The following RC3H2 variants were observed in gnomAD, a reference collection of about 807,000 sequenced individuals.
RC3H2 encodes the protein ring finger and CCCH-type domains 2, also known as roquin-2.
RC3H2 carries 31 observed loss-of-function variants against 133.3 expected under a neutral mutation model. That is an observed-to-expected ratio of 0.23 (90% CI 0.17 to 0.31). RC3H2 has a LOEUF of 0.31. Among genes scored for constraint, RC3H2 ranks in the 10% least tolerant of loss-of-function variants. RC3H2 has a pLI of 1.00. For synonymous variants in RC3H2, 517 were observed against 502.2 expected, an observed-to-expected ratio of 1.03 and a Z score of -0.40; for missense variants, 1,175 against 1,437.2, an observed-to-expected ratio of 0.82 and a Z score of 2.95.
At position 122,894,071 on chromosome 9, in the gene RC3H2, A is replaced by G. The variant is rs371024220; in HGVS notation, c.232-1045T>C. ...TCAGGAGATCGAGACCATCCTGGCT[A>G]ACACGGTGAAACCCTGTATCTACTA... is the stretch of plus-strand genomic sequence containing the variant. On this transcript the variant is annotated intron_variant, in intron 2 of 20. Coordinates refer to ENST00000357244, the MANE Select transcript of RC3H2 (RefSeq NM_001100588.3). Among the ~76,000 whole-genome samples the G allele has an allele frequency of 6.4e-4, 97 of 152,236 alleles. No homozygotes were observed. The Middle Eastern group carries it at 0.014, about 21-fold the overall frequency.
intron 3 of RC3H2, among the ~76,000 whole-genome samples, chr9:122,892,513 G>A (rs147455740): frequency 0.018 from 2,682 of 152,060 alleles, 94 homozygotes; most frequent in African/African-American, 0.061. Context: ...CCGGGTTCAC[G>A]CCATTCTCCT....
At chr9:122,857,461 G>T (rs1030428551) in intron 13 of RC3H2, among the ~76,000 whole-genome samples, 25 of 152,260 alleles carry the variant, frequency 1.6e-4, no homozygotes, top group African/African-American at 6.0e-4. Context: ...ACCTCAGACA[G>T]CCCAGGATTC....
At chr9:122,892,707 G>A (rs969046039) in intron 3 of RC3H2, among the ~76,000 whole-genome samples, 3 of 152,102 alleles carry the variant, frequency 2.0e-5, no homozygotes, top group South Asian at 2.1e-4. Flanking sequence ...CACCGCGCCC[G>A]GCTCTAGCTT....
chr9:122,860,781 G>A (rs1271685204), intron 10 of RC3H2, among the ~76,000 whole-genome samples: 1 of 151,534 alleles, frequency 6.6e-6, no homozygotes, highest in Non-Finnish European at 1.5e-5. Flanking sequence ...AATTCTGTTC[G>A]ACAAGTTCTC....
chr9:122,898,540 A>G (rs1368470809), intron 1 of RC3H2, among the ~76,000 whole-genome samples: 1 of 152,122 alleles, frequency 6.6e-6, no homozygotes, highest in East Asian at 1.9e-4. Flanking sequence ...ACCTGAGGTC[A>G]GGAGCTTGAG....
chr9:122,859,865 T>C (rs1830390564), intron 11 of RC3H2, 52 bp downstream of exon 11: 1 of 1,363,794 alleles, frequency 7.3e-7, no homozygotes, highest in East Asian at 2.3e-5. Flanking sequence ...CATTCATTTA[T>C]CTAAAGGAAA....
intron 18 of RC3H2, among the ~76,000 whole-genome samples, chr9:122,852,642 C>G (rs1192373219): frequency 6.6e-6 from 1 of 150,852 alleles, no homozygotes; most frequent in East Asian, 2.0e-4. Context: ...GAGGGGTCAG[C>G]TCCCAACCCG....
At chr9:122,867,293 C>T (rs1186031195) in intron 9 of RC3H2, among the ~76,000 whole-genome samples, 1 of 109,878 alleles carries the variant, frequency 9.1e-6, no homozygotes, top group African/African-American at 3.6e-5. Context: ...GGGGGTCAGC[C>T]CCCCGCCCGG....
intron 1 of RC3H2, among the ~76,000 whole-genome samples, chr9:122,903,196 C>T (rs1832723165): frequency 6.6e-6 from 1 of 152,200 alleles, no homozygotes; most frequent in African/African-American, 2.4e-5. Flanking sequence ...AAATTAGAGA[C>T]GCTGATCATA....
intron 18 of RC3H2, among the ~76,000 whole-genome samples, chr9:122,853,063 T>C (rs1830111582): frequency 6.6e-6 from 1 of 152,190 alleles, no homozygotes; most frequent in South Asian, 2.1e-4. Flanking sequence ...CTTGGGATCC[T>C]GTTGATCTGT....
intron 10 of RC3H2, among the ~76,000 whole-genome samples, chr9:122,863,859 T>A (rs1206221047): frequency 6.6e-6 from 1 of 152,124 alleles, no homozygotes; most frequent in African/African-American, 2.4e-5. Context: ...GCCTCAGCCT[T>A]CCCAGGTAGC....
chr9:122,860,231 T>G lies in RC3H2; in HGVS notation c.1635-100A>C, dbSNP rs111378936. On this transcript the variant is annotated intron_variant, in intron 10 of 20. Coordinates refer to ENST00000357244, the MANE Select transcript of RC3H2 (RefSeq NM_001100588.3). ...TAAAATTATATTCTGAAACCACTAA[T>G]AGAAAACACTTCAGACATTGCCACA... The G allele has an allele frequency of 2.7e-5, 23 of 851,962 alleles. No individual in the cohort carries two copies. In the African/African-American group the frequency reaches 3.3e-4, roughly 12 times the overall value. The allele number at this position is 851,962 out of a possible 1,614,324, so 52.8% of individuals were successfully genotyped here. A position where few individuals can be genotyped will look rare whatever the true frequency, so the allele number is the denominator to read the frequency against.
chr9:122,884,020 C>T (rs530600778), intron 4 of RC3H2, among the ~76,000 whole-genome samples: 5 of 151,886 alleles, frequency 3.3e-5, no homozygotes, highest in Middle Eastern at 3.4e-3. Flanking sequence ...TTAGGCCGGG[C>T]GCGGTGGCTC....
chr9:122,898,669 A>T (rs1832523463), intron 1 of RC3H2, among the ~76,000 whole-genome samples: 1 of 151,772 alleles, frequency 6.6e-6, no homozygotes, highest in African/African-American at 2.4e-5. Flanking sequence ...GAATCACTTG[A>T]ATGTGGAAGG....
intron 8 of RC3H2, among the ~76,000 whole-genome samples, chr9:122,879,033 AG>A (rs1422564733): frequency 6.6e-6 from 1 of 150,452 alleles, no homozygotes; most frequent in East Asian, 2.0e-4. Flanking sequence ...CTGGGATTAC[AG>A]GCGTGAGCCA....
chr9:122,853,188 C>T (rs1232207737), intron 18 of RC3H2, among the ~76,000 whole-genome samples: 1 of 151,652 alleles, frequency 6.6e-6, no homozygotes, highest in Non-Finnish European at 1.5e-5. Context: ...AGGCAGCATG[C>T]TCATTAAGAG....
At chr9:122,853,875 C>T (rs1830144483) in intron 18 of RC3H2, 77 bp downstream of exon 18, 2 of 1,613,834 alleles carry the variant, frequency 1.2e-6, no homozygotes, top group South Asian at 2.2e-5. Flanking sequence ...AAAATGCACT[C>T]AGTAATGGTA....
Position 122,855,842 on chromosome 9 carries a change from C to A in RC3H2, c.2491G>T (p.Asp831Tyr). Residue 831 changes from aspartate to tyrosine, a missense_variant, in exon 14 of 21, where the codon GAT becomes TAT. Coordinates refer to ENST00000357244, the MANE Select transcript of RC3H2 (RefSeq NM_001100588.3). ...ESVSGTKFEEDHLSHYSPWSC... is the reference protein window; with the variant it reads ...ESVSGTKFEEYHLSHYSPWSC... ...CAGGGAGAATAATGGGAAAGATGAT[C>A]TTCTTCAAATTTTGTACCACTCACA... 6.2e-7 allele frequency: 1 copy of A among 1,613,286 alleles called. No individual in the cohort carries two copies. Among genetic ancestry groups the A allele is most frequent in the Non-Finnish European group, 8.5e-7 (1 of 1,179,572 alleles).
chr9:122,855,959 T>A, intron 13 of RC3H2, 81 bp from the exon 14 acceptor site: 1 of 1,171,998 alleles, frequency 8.5e-7, no homozygotes, highest in Non-Finnish European at 1.2e-6. Flanking sequence ...GTAACTATTA[T>A]AGAATTCAGA....
Sources: gnomAD v4.1 joint callset for allele counts (sites outside exome capture counted in the v4.1 genomes callset) on GRCh38, gnomAD v4.1.1 for gene constraint, MANE v1.5 for transcripts, NCBI Gene and HGNC (gene_info 2026-07-23, HGNC 2026-07-21) for gene names.